LETMD1: variants seen among roughly 807,000 people sequenced by gnomAD.
LETMD1 encodes the protein LETM1 domain-containing protein 1.
LETMD1 carries 30 observed loss-of-function variants against 43.9 expected under a neutral mutation model. That is an observed-to-expected ratio of 0.68 (90% CI 0.51 to 0.93). The LOEUF is 0.93. LETMD1 is among the 40% of genes least tolerant of loss of function. The pLI, the probability that LETMD1 is intolerant of heterozygous loss-of-function variation, is 0.00. For synonymous variants in LETMD1, 176 were observed against 163.1 expected (o/e 1.08, Z -0.60); for missense variants, 413 against 447.7 (o/e 0.92, Z 0.70).
At chr12:51,067,153 A>G in the LETMD1 span, among the ~76,000 whole-genome samples, 1 of 151,780 alleles carries the variant, frequency 6.6e-6, no homozygotes, top group African/African-American at 2.4e-5. This position sits in a 1 kb window ranked among gnomAD's most constrained non-coding sequence, Gnocchi z 4.1. Flanking sequence ...ATCTCAAGGA[A>G]TCAGTATTTA....
At chr12:51,053,581 T>C (rs1333768070) in intron 3 of LETMD1, among the ~76,000 whole-genome samples, 197 bp from the exon 4 acceptor site, 2 of 152,164 alleles carry the variant, frequency 1.3e-5, no homozygotes, top group Non-Finnish European at 2.9e-5. Context: ...AGGCAGAGGT[T>C]GCAGTGAGCT....
chr12:51,053,935 G>C, intron 4 of LETMD1, 75 bp downstream of exon 4: 1 of 940,920 alleles, frequency 1.1e-6, no homozygotes, highest in Non-Finnish European at 1.7e-6. Flanking sequence ...ACTTTAAACA[G>C]CACTCATTTC....
chr12:51,063,535 A>G, downstream of LETMD1: 1 of 405,176 alleles, frequency 2.5e-6, no homozygotes, highest in African/African-American at 2.0e-5. Flanking sequence ...CTTTGCCCCA[A>G]GACTATCCCC....
At chr12:51,050,066 T>G (rs2136523612) in intron 2 of LETMD1, among the ~76,000 whole-genome samples, 1 of 152,310 alleles carries the variant, frequency 6.6e-6, no homozygotes, top group East Asian at 1.9e-4. Context: ...TTGTCAAATC[T>G]GAACATTATC....
chr12:51,058,397 A>T (rs1352978745), intron 8 of LETMD1: 1 of 459,030 alleles, frequency 2.2e-6, no homozygotes. Context: ...TATGGGGGGA[A>T]TATCCTGTGC....
upstream of LETMD1, chr12:51,048,318 A>G: frequency 6.2e-7 from 1 of 1,613,788 alleles, no homozygotes; most frequent in South Asian, 1.1e-5. Flanking sequence ...ACTTTGACCC[A>G]AAGACAACCT....
chr12:51,057,847 C>T (rs1054981215), intron 7 of LETMD1, 185 bp from the exon 8 acceptor site: 22 of 633,764 alleles, frequency 3.5e-5, no homozygotes, highest in Non-Finnish European at 6.1e-5. Context: ...GGCTGGTCTC[C>T]AACTCCTGAC....
downstream of LETMD1, chr12:51,062,063 CTG>C (rs1948848736): frequency 6.6e-6 from 1 of 152,114 alleles, no homozygotes; most frequent in East Asian, 1.9e-4. Context: ...CAAGCAAAAA[CTG>C]GAACAAATAG....
Position 51,059,672 on chromosome 12 carries a change from CCT to C in LETMD1, c.*243_*244del. 1.9e-6 allele frequency: 1 copy of C among 513,648 alleles called. No individual in the cohort carries two copies. Among genetic ancestry groups the C allele is most frequent in the East Asian group, 3.5e-5 (1 of 28,466 alleles). The allele number at this position is 513,648 out of a possible 1,614,324, so 31.8% of individuals were successfully genotyped here. ...TCCGTGTGAGGTGTCATCCTGTCCC[CCT>C]CATAATTACTAATAGCTGGAACTGG... On this transcript the variant is annotated 3_prime_UTR_variant, in exon 9 of 9. Transcript: ENST00000262055.
At chr12:51,067,542 T>G in the LETMD1 span, 3 of 808,806 alleles carry the variant, frequency 3.7e-6, no homozygotes, top group Admixed American at 5.2e-5. The surrounding 1 kb of genome is among the most constrained non-coding windows in gnomAD (Gnocchi z 4.1). Context: ...CGGAGGAGGG[T>G]TGTGGAACTG....
chr12:51,052,610 ATC>A (rs1210391270), intron 3 of LETMD1, among the ~76,000 whole-genome samples: 1 of 152,096 alleles, frequency 6.6e-6, no homozygotes, highest in Non-Finnish European at 1.5e-5. Context: ...GTCAAACCCC[ATC>A]TCTACTGAAA....
downstream of LETMD1, chr12:51,063,525 C>A (rs150504099): frequency 3.9e-4 from 146 of 374,854 alleles, no homozygotes; most frequent in Middle Eastern, 7.0e-3. Flanking sequence ...ACGCAGCTTT[C>A]TTTGCCCCAA....
At position 51,049,024 on chromosome 12, in the gene LETMD1, T is replaced by C; in HGVS notation, c.123-10T>C. The C allele has an allele frequency of 6.2e-7, 1 of 1,611,024 alleles. No homozygotes were observed. Among genetic ancestry groups the C allele is most frequent in the Non-Finnish European group, 8.5e-7 (1 of 1,178,702 alleles). On this transcript the variant is annotated splice_polypyrimidine_tract_variant and intron_variant, in intron 1 of 8. Transcript: ENST00000262055. ...TGATTCCCAGATAGTCTCTTTGATC[T>C]TCCTTGTAGGTCTTCAAAGCTTCAC...
downstream of LETMD1, chr12:51,062,544 G>C (rs1470690097): frequency 1.3e-5 from 2 of 152,178 alleles, no homozygotes; most frequent in Admixed American, 1.3e-4. Flanking sequence ...ATTAGAACTT[G>C]AATCCTTTGG....
downstream of LETMD1, chr12:51,064,046 T>C: frequency 6.2e-7 from 1 of 1,614,242 alleles, no homozygotes; most frequent in Non-Finnish European, 8.5e-7. Flanking sequence ...CCTTCTCCTT[T>C]GGGAAAGAGG....
At chr12:51,061,123 GTT>G (rs1948815559), downstream of LETMD1, 1 of 152,048 alleles carries the variant, frequency 6.6e-6, no homozygotes, top group Non-Finnish European at 1.5e-5. Context: ...GACCTAATTA[GTT>G]TTATAACGAA....
intron 4 of LETMD1, 74 bp downstream of exon 4, chr12:51,053,934 A>C (rs1946892814): frequency 1.1e-6 from 1 of 946,460 alleles, no homozygotes; most frequent in African/African-American, 1.6e-5. Flanking sequence ...TACTTTAAAC[A>C]GCACTCATTT....
chr12:51,068,745 C>A, the LETMD1 span, among the ~76,000 whole-genome samples: 86 of 152,156 alleles, frequency 5.7e-4, no homozygotes, highest in African/African-American at 2.0e-3. Context: ...GTGAAACACC[C>A]TTCAACTTGC....
chr12:51,066,675 CT>C, the LETMD1 span, among the ~76,000 whole-genome samples: 1 of 151,474 alleles, frequency 6.6e-6, no homozygotes, highest in South Asian at 2.1e-4. Flanking sequence ...AGAGATGATA[CT>C]TTCTCTTTCA....
Sources: gnomAD v4.1 joint callset for allele counts (sites outside exome capture counted in the v4.1 genomes callset) on GRCh38, gnomAD v4.1.1 for gene constraint, Gnocchi (gnomAD v3.1) non-coding constraint, MANE v1.5 for transcripts, NCBI Gene and HGNC (gene_info 2026-07-23, HGNC 2026-07-21) for gene names.